Variants in CDH12 observed in about 807,000 individuals in gnomAD.
CDH12 encodes the protein cadherin 12.
A neutral mutation model predicts 74.1 loss-of-function variants in CDH12; 41 were observed. The observed-to-expected ratio is 0.55, with a 90% CI of 0.43 to 0.72. The LOEUF (loss-of-function observed/expected upper bound fraction) is 0.72, where lower values mean the gene tolerates loss of function less well. Ranked by LOEUF, CDH12 falls within the 30% of genes least tolerant of loss-of-function variation. CDH12 has a pLI of 0.00. For synonymous variants in CDH12, 399 were observed against 355.0 expected (o/e 1.12, Z -1.39); for missense variants, 945 against 977.2 (o/e 0.97, Z 0.44).
intron 4 of CDH12, among the ~76,000 whole-genome samples, chr5:22,124,538 A>T (rs1485194945): frequency 1.3e-5 from 2 of 152,142 alleles, no homozygotes; most frequent in Admixed American, 6.5e-5. Flanking sequence ...TTCATGAGTT[A>T]CACATTTTAT....
intron 8 of CDH12, 41 bp downstream of exon 8, chr5:21,842,120 T>A: frequency 2.6e-6 from 4 of 1,509,634 alleles, no homozygotes; most frequent in Non-Finnish European, 3.6e-6. Flanking sequence ...TAAATTTTTT[T>A]AAACCGCAAT....
intron 2 of CDH12, among the ~76,000 whole-genome samples, chr5:22,430,112 A>G (rs1274700103): frequency 6.6e-6 from 1 of 152,164 alleles, no homozygotes; most frequent in African/African-American, 2.4e-5. Flanking sequence ...AAAATACCTT[A>G]AATACTTACA....
In CDH12 at chr5:22,412,205, T is replaced by G. The variant is rs569683243; in HGVS notation, c.-427-6854A>C. ...CTAGCTTCCACCATTCTAATTCCAG[T>G]AGAGGTAAAAACATATTGCTGGGTT... On this transcript the variant is annotated intron_variant, in intron 2 of 14. Transcript: ENST00000382254. Among the ~76,000 whole-genome samples the G allele has an allele frequency of 5.3e-5, 8 of 152,030 alleles. No individual in the cohort carries two copies. The East Asian group carries it at 1.4e-3, about 26-fold the overall frequency.
intron 5 of CDH12, among the ~76,000 whole-genome samples, chr5:21,984,076 T>C (rs2150129660): frequency 6.6e-6 from 1 of 152,338 alleles, no homozygotes; most frequent in East Asian, 1.9e-4. Flanking sequence ...GAGCTTTTCT[T>C]GAATACCTGA....
intron 1 of CDH12, among the ~76,000 whole-genome samples, chr5:22,789,875 A>T (rs935838925): frequency 6.6e-6 from 1 of 151,876 alleles, no homozygotes; most frequent in East Asian, 1.9e-4. Context: ...AATTAAATAT[A>T]AAACAGTTTT....
intron 8 of CDH12, among the ~76,000 whole-genome samples, chr5:21,819,123 G>T (rs1748222625): frequency 6.6e-6 from 1 of 152,114 alleles, no homozygotes; most frequent in Non-Finnish European, 1.5e-5. Context: ...GATAAAGCCA[G>T]ATATTCAGGA....
intron 1 of CDH12, among the ~76,000 whole-genome samples, chr5:22,674,114 A>G (rs1741042805): frequency 6.6e-6 from 1 of 152,288 alleles, no homozygotes; most frequent in East Asian, 1.9e-4. Flanking sequence ...TAGACTAGTA[A>G]AAGCTTATTT....
chr5:21,987,869 T>C (rs1464053214), intron 5 of CDH12, among the ~76,000 whole-genome samples: 2 of 152,082 alleles, frequency 1.3e-5, no homozygotes, highest in African/African-American at 4.8e-5. Flanking sequence ...ATTCAGTGCA[T>C]TGGTTTTATT....
intron 1 of CDH12, among the ~76,000 whole-genome samples, chr5:22,664,970 T>C (rs755643995): frequency 1.3e-5 from 2 of 152,190 alleles, no homozygotes; most frequent in African/African-American, 2.4e-5. Context: ...GTTTTATGAA[T>C]GGGGTCTCAC....
chr5:22,181,017 C>G (rs557214443), intron 4 of CDH12, among the ~76,000 whole-genome samples: 1 of 151,960 alleles, frequency 6.6e-6, no homozygotes, highest in African/African-American at 2.4e-5. Flanking sequence ...GTATGCAAAC[C>G]CCTTCACATT....
At chr5:22,394,535 TGCCCACAGGAGTGAGCCTCAG>T (rs1742376980) in intron 3 of CDH12, among the ~76,000 whole-genome samples, 1 of 152,126 alleles carries the variant, frequency 6.6e-6, no homozygotes, top group South Asian at 2.1e-4. Flanking sequence ...TGGAATCTCA[TGCCCACAGGAGTGAGCCTCAG>T]GCCAAGAGAA....
At chr5:22,538,268 C>T (rs193087265) in intron 1 of CDH12, among the ~76,000 whole-genome samples, 208 of 152,244 alleles carry the variant, frequency 1.4e-3, no homozygotes, top group African/African-American at 4.9e-3. Context: ...CAATCTACTC[C>T]CTCTGGTCTC....
At chr5:22,008,805 T>A (rs1007328125) in intron 5 of CDH12, among the ~76,000 whole-genome samples, 1 of 152,106 alleles carries the variant, frequency 6.6e-6, no homozygotes, top group African/African-American at 2.4e-5. Context: ...AAAACCACAT[T>A]TGGGACTTTA....
At chr5:22,488,254 T>G (rs956422538) in intron 2 of CDH12, among the ~76,000 whole-genome samples, 1 of 152,206 alleles carries the variant, frequency 6.6e-6, no homozygotes, top group Non-Finnish European at 1.5e-5. Flanking sequence ...AAAAATGACT[T>G]AATCATTTAA....
chr5:21,801,702 T>G (rs984265677), intron 10 of CDH12, among the ~76,000 whole-genome samples: 2 of 152,178 alleles, frequency 1.3e-5, no homozygotes, highest in Non-Finnish European at 2.9e-5. Flanking sequence ...TTTGTTACAC[T>G]GGAAAAAATG....
chr5:21,755,568 CA>C (rs1561154885), intron 14 of CDH12, 22 bp downstream of exon 14: 1 of 1,596,760 alleles, frequency 6.3e-7, no homozygotes, highest in Non-Finnish European at 8.6e-7. Flanking sequence ...AAAAAATTAA[CA>C]ATGATTAATA....
At chr5:22,653,535 C>G (rs1739851710) in intron 1 of CDH12, among the ~76,000 whole-genome samples, 1 of 152,008 alleles carries the variant, frequency 6.6e-6, no homozygotes, top group African/African-American at 2.4e-5. Context: ...GTTCTGTTGG[C>G]TCTACCTTTA....
intron 3 of CDH12, among the ~76,000 whole-genome samples, chr5:22,359,112 C>T (rs933701504): frequency 3.9e-5 from 6 of 151,914 alleles, no homozygotes; most frequent in Non-Finnish European, 7.4e-5. Context: ...GCTAAATGCT[C>T]CAATTAAAAG....
chr5:22,563,840 T>C (rs2126754512), intron 1 of CDH12, among the ~76,000 whole-genome samples: 1 of 152,256 alleles, frequency 6.6e-6, no homozygotes, highest in African/African-American at 2.4e-5. Context: ...AGAGGGCTTG[T>C]GCAGAGAAAC....
Sources: allele counts gnomAD v4.1 joint callset (sites outside exome capture counted in the v4.1 genomes callset), GRCh38; gene constraint gnomAD v4.1.1; transcripts MANE v1.5; gene names NCBI Gene and HGNC (gene_info 2026-07-23, HGNC 2026-07-21).